Variants in XG observed in about 807,000 individuals in gnomAD.
XG encodes Xg glycoprotein (Xg blood group), also known as glycoprotein Xg.
XG carries 24 observed loss-of-function variants against 25.7 expected under a neutral mutation model. That is an observed-to-expected ratio of 0.93 (90% CI 0.68 to 1.31). XG has a LOEUF of 1.31. XG is among the 40% of genes most tolerant of loss of function. XG has a pLI of 0.00. For synonymous variants in XG, 77 were observed against 69.2 expected, an observed-to-expected ratio of 1.11 and a Z score of -0.56; for missense variants, 181 against 187.6, an observed-to-expected ratio of 0.96 and a Z score of 0.21.
chrX:2,765,730 C>G (rs1481194058), intron 1 of XG, among the ~76,000 whole-genome samples: 1 of 152,198 alleles, frequency 6.6e-6, no homozygotes, highest in African/African-American at 2.4e-5. Flanking sequence ...GTCCATTGCT[C>G]TCCTGTGCTG....
At chrX:2,813,626 A>C (rs1735802507) in intron 10 of XG, among the ~76,000 whole-genome samples, 1 of 112,657 alleles carries the variant, frequency 8.9e-6, no homozygotes, top group Non-Finnish European at 1.9e-5. Flanking sequence ...AAGCTTGCAC[A>C]CTTTGTAGAG....
chrX:2,797,370 C>T lies in XG; in HGVS notation c.373+10C>T, dbSNP rs370105441. ...TCCGACAACACGCACGGTACCCCTA[C>T]ATCTGGGCATGCGATGGTGGGTGGA... On this transcript the variant is annotated intron_variant, in intron 7 of 10. Transcript: ENST00000644266. The T allele has an allele frequency of 8.6e-6, 10 of 1,166,887 alleles. No individual in the cohort carries two copies. Among genetic ancestry groups the T allele is most frequent in the South Asian group, 7.1e-5 (4 of 56,296 alleles).
At chrX:2,810,139 A>G (rs1186422262) in intron 9 of XG, among the ~76,000 whole-genome samples, 2 of 111,983 alleles carry the variant, frequency 1.8e-5, no homozygotes, top group Non-Finnish European at 3.8e-5. Context: ...TCCCCCCAGC[A>G]TGGCAGCCTC....
At position 2,752,306 on chromosome X, in the gene XG, C is replaced by A; in HGVS notation, c.32C>A (p.Ala11Glu). Residue 11 changes from alanine (A) to glutamate (E), a missense_variant, in exon 1 of 11, where the codon GCG becomes GAG. Coordinates refer to ENST00000644266, the MANE Select transcript of XG (RefSeq NM_001141919.2). Reference protein sequence around the residue: MESWWGLPCLAFLCFLMHARG... With the variant: MESWWGLPCLEFLCFLMHARG... ...AGCTGGTGGGGACTTCCCTGTCTTG[C>A]GTTCCTGTGTTTTCTAATGCACGCC... is the stretch of plus-strand genomic sequence containing the variant. 5 of 1,613,712 alleles carry A rather than the reference C, an allele frequency of 3.1e-6. No homozygotes were observed. Among genetic ancestry groups the A allele is most frequent in the Non-Finnish European group, 1.7e-6 (2 of 1,179,834 alleles).
At chrX:2,768,388 G>C (rs1215881777) in intron 1 of XG, among the ~76,000 whole-genome samples, 1 of 152,206 alleles carries the variant, frequency 6.6e-6, no homozygotes, top group Non-Finnish European at 1.5e-5. Context: ...GGCAGCCTTG[G>C]AGGGGAGATG....
chrX:2,758,316 C>T (rs1174484863), intron 1 of XG, among the ~76,000 whole-genome samples: 1 of 152,136 alleles, frequency 6.6e-6, no homozygotes, highest in African/African-American at 2.4e-5. Flanking sequence ...GCCACCCAGT[C>T]CCCACCCACT....
intron 3 of XG, among the ~76,000 whole-genome samples, chrX:2,776,836 G>C (rs2051008755): frequency 6.8e-6 from 1 of 147,804 alleles, no homozygotes; most frequent in South Asian, 2.2e-4. Context: ...GACAGAGCGA[G>C]ACTCCGTCTC....
intron 1 of XG, among the ~76,000 whole-genome samples, chrX:2,763,072 G>A (rs992545700): frequency 6.6e-6 from 1 of 152,132 alleles, no homozygotes; most frequent in African/African-American, 2.4e-5. Context: ...GCAGTGTAGT[G>A]GTGCAATCTT....
intron 9 of XG, among the ~76,000 whole-genome samples, chrX:2,809,254 G>A (rs996992501): frequency 1.8e-5 from 2 of 111,586 alleles, no homozygotes; most frequent in Non-Finnish European, 1.9e-5. Context: ...AACCAGGGAA[G>A]GATGCAATGG....
chrX:2,789,669 C>G lies in XG; in HGVS notation c.216C>G (p.Arg72=), dbSNP rs2086818410. The change falls in exon 5 of 11, where the codon CGC becomes CGG. Residue 72 remains arginine (R), a synonymous_variant. Transcript: ENST00000644266. ...GGNIYPRPKP[R]PQPQPGNSGN... ...ATATCTACCCAAGGCCAAAGCCACG[C>G]CCTCAACCCCAGCCTGGCAATTCCG... is the stretch of plus-strand genomic sequence containing the variant. 1 of 1,162,681 alleles carries G rather than the reference C, an allele frequency of 8.6e-7. No individual in the cohort carries two copies. The highest frequency in any genetic ancestry group is 2.0e-5 in the South Asian group (1 of 49,087).
chrX:2,779,458 G>C (rs2051073057), intron 3 of XG, among the ~76,000 whole-genome samples: 1 of 151,634 alleles, frequency 6.6e-6, no homozygotes, highest in Admixed American at 6.6e-5. Flanking sequence ...CTGTCAACTA[G>C]AAGAGGCTCC....
chrX:2,782,270 TG>T, intron 4 of XG, 142 bp downstream of exon 4: 1 of 687,195 alleles, frequency 1.5e-6, no homozygotes, highest in Non-Finnish European at 2.2e-6. Flanking sequence ...CTTTCCTCAC[TG>T]GGGGGAGCAA....
chrX:2,766,356 G>GTCTCGA (rs1220096792), intron 1 of XG, among the ~76,000 whole-genome samples: 2 of 151,986 alleles, frequency 1.3e-5, no homozygotes, highest in African/African-American at 2.4e-5. Context: ...GGCCAGGATG[G>GTCTCGA]TCTCGATCTC....
chrX:2,792,545 T>TTGTGTGTG (rs146747084), intron 5 of XG, among the ~76,000 whole-genome samples: 2,507 of 99,742 alleles, frequency 0.025, 42 homozygotes, highest in Middle Eastern at 0.029. Context: ...TTCTTTTTCT[T>TTGTGTGTG]TGTGTGTGTG....
At chrX:2,801,931 T>G (rs1421196150) in intron 7 of XG, among the ~76,000 whole-genome samples, 1 of 110,481 alleles carries the variant, frequency 9.1e-6, no homozygotes, top group African/African-American at 3.3e-5. Context: ...ATGATCTCGA[T>G]CTCCTGACCT....
intron 5 of XG, among the ~76,000 whole-genome samples, chrX:2,790,610 G>A (rs56231504): frequency 0.099 from 10,971 of 110,592 alleles, 448 homozygotes; most frequent in East Asian, 0.23. Flanking sequence ...TGAAACCAGC[G>A]GCCAACATGG....
chrX:2,770,163 T>C (rs181658568), intron 1 of XG, among the ~76,000 whole-genome samples: 99 of 152,268 alleles, frequency 6.5e-4, no homozygotes, highest in African/African-American at 2.2e-3. Flanking sequence ...TGACACAGGT[T>C]GCAACGTGAA....
intron 1 of XG, among the ~76,000 whole-genome samples, chrX:2,764,810 G>C (rs1483841680): frequency 1.3e-5 from 2 of 151,944 alleles, no homozygotes; most frequent in Non-Finnish European, 2.9e-5. Flanking sequence ...GGAGGCCGAG[G>C]CGGGTGAATC....
At chrX:2,760,229 G>A (rs1300413599) in intron 1 of XG, among the ~76,000 whole-genome samples, 3 of 151,984 alleles carry the variant, frequency 2.0e-5, no homozygotes, top group Non-Finnish European at 1.5e-5. Flanking sequence ...GGCCAGGCGC[G>A]TGATGTTGCT....
Sources: allele counts gnomAD v4.1 joint callset (sites outside exome capture counted in the v4.1 genomes callset), GRCh38; gene constraint gnomAD v4.1.1; transcripts MANE v1.5; gene names NCBI Gene and HGNC (gene_info 2026-07-23, HGNC 2026-07-21).